CNTNAP2: variants seen among roughly 807,000 people sequenced by gnomAD.
The protein encoded by CNTNAP2 is contactin-associated protein-like 2.
Under a neutral mutation model 155.2 loss-of-function variants are expected in CNTNAP2, and 98 were observed. The ratio of observed to expected loss-of-function variants is 0.63; its 90% CI spans 0.54 to 0.75. CNTNAP2 has a LOEUF of 0.75. Among genes scored for constraint, CNTNAP2 ranks in the 30% least tolerant of loss-of-function variants. CNTNAP2 has a pLI of 0.00. For missense variants in CNTNAP2, 1,727 were observed against 1,688.1 expected (o/e 1.02, Z -0.40); for synonymous variants, 651 against 631.2 (o/e 1.03, Z -0.47).
At chr7:146,665,619 T>C (rs1258355820) in intron 1 of CNTNAP2, among the ~76,000 whole-genome samples, 1 of 151,220 alleles carries the variant, frequency 6.6e-6, no homozygotes, top group East Asian at 2.0e-4. Flanking sequence ...CCATCTCTAC[T>C]AAAAATACAA....
At chr7:146,777,259 C>T (rs1035844917) in intron 2 of CNTNAP2, among the ~76,000 whole-genome samples, 3 of 152,178 alleles carry the variant, frequency 2.0e-5, no homozygotes, top group Non-Finnish European at 2.9e-5. Context: ...TGTGCAGCTA[C>T]GTACTTTTTG....
At chr7:146,622,945 A>G (rs1799353927) in intron 1 of CNTNAP2, among the ~76,000 whole-genome samples, 1 of 150,244 alleles carries the variant, frequency 6.7e-6, no homozygotes, top group African/African-American at 2.5e-5. Context: ...CAACAGAGCG[A>G]GACTCCATCT....
chr7:146,322,754 A>G (rs1313858326), intron 1 of CNTNAP2, among the ~76,000 whole-genome samples: 1 of 150,092 alleles, frequency 6.7e-6, no homozygotes, highest in East Asian at 2.0e-4. Context: ...CATAAACACA[A>G]AAACGGATAA....
In CNTNAP2 at chr7:147,252,466, A is replaced by C. The variant is rs139583804; in HGVS notation, c.1349-47675A>C. Among the ~76,000 whole-genome samples, 262 of 152,190 alleles carry C rather than the reference A, an allele frequency of 1.7e-3. 4 individuals are homozygous for C. The highest frequency in any genetic ancestry group is 5.9e-3 in the African/African-American group (244 of 41,536). On this transcript the variant is annotated intron_variant, in intron 8 of 23. Transcript: ENST00000361727. The stretch of plus-strand genomic sequence containing the variant: ...AGTTTCTAGTCTCATCTCTTCTCAC[A>C]TTTTATCTTTTGTTCACTTTTAGTA...
chr7:147,177,361 T>G (rs1802370600), intron 8 of CNTNAP2, among the ~76,000 whole-genome samples: 1 of 152,226 alleles, frequency 6.6e-6, no homozygotes, highest in East Asian at 1.9e-4. Context: ...GATGGTTTTG[T>G]AAGGGGCTTC....
rs200594544 is a variant in CNTNAP2 at position 146,350,787 on chromosome 7, CA to C, written c.97+233816del. Among the ~76,000 whole-genome samples, 1,488 of 152,022 alleles carry C rather than the reference CA, an allele frequency of 9.8e-3. 103 individuals carry two copies. The East Asian group carries it at 0.21, about 21-fold the overall frequency. On this transcript the variant is annotated intron_variant, in intron 1 of 23. Coordinates refer to ENST00000361727, the MANE Select transcript of CNTNAP2 (RefSeq NM_014141.6). The stretch of plus-strand genomic sequence containing the variant: ...AAGACTTGGAACCAACCCAAATGTC[CA>C]ACAACGATAGACTGGATTAAGAAAA...
chr7:147,996,508 A>G (rs543936930), intron 15 of CNTNAP2, among the ~76,000 whole-genome samples: 1 of 152,352 alleles, frequency 6.6e-6, no homozygotes, highest in South Asian at 2.1e-4. Context: ...ACATTGGGAA[A>G]GTTATTTAAT....
At chr7:146,255,081 A>G (rs1799817789) in intron 1 of CNTNAP2, among the ~76,000 whole-genome samples, 1 of 152,214 alleles carries the variant, frequency 6.6e-6, no homozygotes, top group Non-Finnish European at 1.5e-5. Context: ...AGAATAATTC[A>G]GATCTCAACC....
At chr7:146,311,482 T>G (rs1800818951) in intron 1 of CNTNAP2, among the ~76,000 whole-genome samples, 1 of 150,988 alleles carries the variant, frequency 6.6e-6, no homozygotes, top group African/African-American at 2.4e-5. Context: ...AATATGAGAT[T>G]TTATAGAGGT....
chr7:147,851,156 C>A (rs186634226), intron 13 of CNTNAP2, among the ~76,000 whole-genome samples: 5,794 of 152,108 alleles, frequency 0.038, 165 homozygotes, highest in Middle Eastern at 0.061. Context: ...ATGCAGCCAA[C>A]AGACACATGA....
chr7:146,971,306 A>G (rs935831527), intron 3 of CNTNAP2, among the ~76,000 whole-genome samples: 1 of 152,234 alleles, frequency 6.6e-6, no homozygotes, highest in South Asian at 2.1e-4. Context: ...CAGAAGCTTA[A>G]TTTATCCTAA....
chr7:146,292,746 C>T (rs547882152), intron 1 of CNTNAP2, among the ~76,000 whole-genome samples: 9 of 152,172 alleles, frequency 5.9e-5, no homozygotes, highest in East Asian at 5.8e-4. Flanking sequence ...AATTGGAAAA[C>T]GTTTTGCTAA....
chr7:148,420,897 G>T lies in CNTNAP2; in HGVS notation c.*5281G>T, dbSNP rs540704185. 1 of 152,566 alleles carries T rather than the reference G, an allele frequency of 6.6e-6. No individual in the cohort carries two copies. The highest frequency in any genetic ancestry group is 2.4e-5 in the African/African-American group (1 of 41,412). The allele number at this position is 152,566 out of a possible 1,614,324, so 9.5% of individuals were successfully genotyped here. A position where few individuals can be genotyped will look rare whatever the true frequency, so the allele number is the denominator to read the frequency against. On this transcript the variant is annotated 3_prime_UTR_variant, in exon 24 of 24. Coordinates refer to ENST00000361727, the MANE Select transcript of CNTNAP2 (RefSeq NM_014141.6). Reference sequence around the variant, plus strand: ...AGAATGAAAGAAGGAAATTATGTACGTATGCCTAATATTCTTTGTGAATGT... The same window carrying T: ...AGAATGAAAGAAGGAAATTATGTACTTATGCCTAATATTCTTTGTGAATGT...
chr7:147,096,456 C>A (rs1315792076), intron 4 of CNTNAP2, among the ~76,000 whole-genome samples: 1 of 152,208 alleles, frequency 6.6e-6, no homozygotes, highest in African/African-American at 2.4e-5. Flanking sequence ...GCCATCATGG[C>A]TGAGCTTTTA....
intron 13 of CNTNAP2, among the ~76,000 whole-genome samples, chr7:147,877,983 G>T (rs1799450925): frequency 6.6e-6 from 1 of 152,148 alleles, no homozygotes; most frequent in African/African-American, 2.4e-5. Flanking sequence ...GAAGAGTCCT[G>T]CCTGTCATCT....
intron 1 of CNTNAP2, among the ~76,000 whole-genome samples, chr7:146,550,383 A>T (rs1798096826): frequency 7.4e-6 from 1 of 135,346 alleles, no homozygotes; most frequent in Admixed American, 7.4e-5. Context: ...ACCTTATAGC[A>T]GTGAGGTCCA....
chr7:146,936,929 C>A (rs1363112468), intron 3 of CNTNAP2, among the ~76,000 whole-genome samples: 2 of 152,172 alleles, frequency 1.3e-5, no homozygotes, highest in Admixed American at 6.5e-5. Flanking sequence ...GGTTTCATTG[C>A]TTCACTAAAC....
chr7:147,192,085 A>T (rs182459725), intron 8 of CNTNAP2, among the ~76,000 whole-genome samples: 49 of 152,370 alleles, frequency 3.2e-4, no homozygotes, highest in Admixed American at 2.7e-3. Flanking sequence ...CAATTAGTAA[A>T]TAAATAAATG....
At chr7:147,615,573 C>G (rs1801274368) in intron 12 of CNTNAP2, among the ~76,000 whole-genome samples, 1 of 152,082 alleles carries the variant, frequency 6.6e-6, no homozygotes, top group Non-Finnish European at 1.5e-5. Context: ...CCATAATTGA[C>G]AAATATTATT....
Sources: allele counts gnomAD v4.1 joint callset (sites outside exome capture counted in the v4.1 genomes callset), GRCh38; gene constraint gnomAD v4.1.1; transcripts MANE v1.5; gene names NCBI Gene and HGNC (gene_info 2026-07-23, HGNC 2026-07-21).